ROBO1: variants seen among roughly 807,000 people sequenced by gnomAD.
ROBO1 encodes roundabout guidance receptor 1, also known as roundabout homolog 1.
ROBO1 carries 149 observed loss-of-function variants against 195.9 expected under a neutral mutation model. The observed-to-expected ratio is 0.76, with a 90% CI of 0.67 to 0.87. The LOEUF (loss-of-function observed/expected upper bound fraction) is 0.87. Ranked by LOEUF, ROBO1 falls within the 40% of genes least tolerant of loss-of-function variation. ROBO1 has a pLI of 0.00. For synonymous variants in ROBO1, 816 were observed against 733.2 expected (o/e 1.11, Z -1.82); for missense variants, 1,933 against 2,068.3 (o/e 0.93, Z 1.27).
intron 4 of ROBO1, among the ~76,000 whole-genome samples, chr3:78,845,774 AGCAGTTGCTCTGGAAAAGTGCAATAAACT>A (rs767935232): frequency 1.3e-5 from 2 of 152,206 alleles, no homozygotes; most frequent in Non-Finnish European, 2.9e-5. Flanking sequence ...CAGTAGCACA[AGCAGTTGCTCTGGAAAAGTGCAATAAACT>A]GCCTTTTCAG....
intron 2 of ROBO1, among the ~76,000 whole-genome samples, chr3:79,421,821 G>A (rs1365837400): frequency 6.6e-6 from 1 of 151,944 alleles, no homozygotes; most frequent in Non-Finnish European, 1.5e-5. Context: ...TGTTGTTGTT[G>A]CTGTTGCTGC....
intron 1 of ROBO1, among the ~76,000 whole-genome samples, chr3:79,636,934 A>G (rs1325339944): frequency 1.3e-5 from 2 of 152,240 alleles, no homozygotes; most frequent in Non-Finnish European, 1.5e-5. Context: ...GTTACCAAAC[A>G]TTATCTTCTT....
intron 4 of ROBO1, among the ~76,000 whole-genome samples, chr3:78,815,509 T>C (rs373143283): frequency 6.6e-4 from 100 of 152,206 alleles, no homozygotes; most frequent in African/African-American, 2.3e-3. Context: ...AAAGGCCCAA[T>C]TGTCTCCCAT....
chr3:78,938,680 A>T lies in ROBO1; in HGVS notation c.420T>A (p.Pro140=). The change falls in exon 4 of 31, where the codon CCT becomes CCA. Residue 140 remains proline, a synonymous_variant. Coordinates refer to ENST00000464233, the MANE Select transcript of ROBO1 (RefSeq NM_002941.4). ...CTACACAGACATAGACTCCTTCATCAGGTCTACTTTTCCGTCCATGTACTA... is the reference window on the plus strand; with the variant it reads ...CTACACAGACATAGACTCCTTCATCTGGTCTACTTTTCCGTCCATGTACTA... ...LRIVHGRKSR[P]DEGVYVCVAR... 6.2e-7 allele frequency: 1 copy of T among 1,613,992 alleles called. No homozygotes were observed. Among genetic ancestry groups the T allele is most frequent in the Non-Finnish European group, 8.5e-7 (1 of 1,179,892 alleles).
At chr3:78,752,593 A>T (rs577163203) in intron 4 of ROBO1, among the ~76,000 whole-genome samples, 1 of 152,262 alleles carries the variant, frequency 6.6e-6, no homozygotes, top group Non-Finnish European at 1.5e-5. Flanking sequence ...TGTGTGAAAA[A>T]TTTCTTAATA....
At chr3:79,630,346 T>C (rs1219353444) in intron 1 of ROBO1, among the ~76,000 whole-genome samples, 1 of 152,004 alleles carries the variant, frequency 6.6e-6, no homozygotes, top group Non-Finnish European at 1.5e-5. Flanking sequence ...CATATGCAAA[T>C]CAATAGATGT....
At chr3:78,982,659 C>T (rs1430457184) in intron 3 of ROBO1, among the ~76,000 whole-genome samples, 6 of 152,062 alleles carry the variant, frequency 3.9e-5, no homozygotes, top group Admixed American at 3.9e-4. Context: ...GATGGAGTCT[C>T]ACTCTGTTGC....
intron 1 of ROBO1, among the ~76,000 whole-genome samples, chr3:79,704,873 A>G (rs890927786): frequency 2.6e-5 from 4 of 151,970 alleles, no homozygotes; most frequent in African/African-American, 7.2e-5. Flanking sequence ...TCTGTAATTC[A>G]ACCATATGAA....
intron 2 of ROBO1, among the ~76,000 whole-genome samples, chr3:79,191,984 G>C (rs9832052): frequency 6.6e-6 from 1 of 151,552 alleles, no homozygotes; most frequent in South Asian, 2.1e-4. Context: ...GACTTCTTTA[G>C]TAAAGGAAAT....
intron 4 of ROBO1, among the ~76,000 whole-genome samples, chr3:78,797,633 G>T (rs893845993): frequency 3.9e-5 from 6 of 152,040 alleles, no homozygotes; most frequent in Admixed American, 1.3e-4. Context: ...TAAGCAGAGG[G>T]TTTTTTTCTT....
At chr3:79,310,448 T>C (rs532823486) in intron 2 of ROBO1, among the ~76,000 whole-genome samples, 1 of 152,182 alleles carries the variant, frequency 6.6e-6, no homozygotes, top group African/African-American at 2.4e-5. Context: ...AGAATGGAAG[T>C]CTATGCTGCT....
intron 1 of ROBO1, among the ~76,000 whole-genome samples, chr3:79,639,170 G>T (rs1357660569): frequency 6.6e-6 from 1 of 152,050 alleles, no homozygotes; most frequent in Non-Finnish European, 1.5e-5. Flanking sequence ...TAGATTATCT[G>T]AATATCATAG....
At chr3:79,085,274 AT>A (rs1409688020) in intron 3 of ROBO1, among the ~76,000 whole-genome samples, 1 of 152,272 alleles carries the variant, frequency 6.6e-6, no homozygotes, top group East Asian at 1.9e-4. Flanking sequence ...TACTTATTTA[AT>A]TTTAGTTATT....
chr3:79,134,212 CA>C (rs1195863454), intron 2 of ROBO1, among the ~76,000 whole-genome samples: 2 of 136,566 alleles, frequency 1.5e-5, no homozygotes, highest in Admixed American at 7.8e-5. Flanking sequence ...ACAACCCCAT[CA>C]AAAAGTGGGC....
intron 1 of ROBO1, among the ~76,000 whole-genome samples, chr3:79,592,499 A>T (rs2107828120): frequency 6.6e-6 from 1 of 152,142 alleles, no homozygotes; most frequent in African/African-American, 2.4e-5. Context: ...TAGCTATTGT[A>T]CACTTATCAT....
chr3:78,627,642 G>C, intron 25 of ROBO1, 73 bp from the exon 26 acceptor site: 1 of 1,434,646 alleles, frequency 7.0e-7, no homozygotes. Context: ...GTAATGAAAT[G>C]TCACCTTTAA....
At chr3:78,956,018 C>T (rs1026270023) in intron 3 of ROBO1, among the ~76,000 whole-genome samples, 5 of 152,014 alleles carry the variant, frequency 3.3e-5, no homozygotes, top group Non-Finnish European at 7.4e-5. Context: ...TAAGGGCACC[C>T]CAGTAAGATA....
chr3:79,712,842 T>A (rs1350396471), intron 1 of ROBO1, among the ~76,000 whole-genome samples: 2 of 152,056 alleles, frequency 1.3e-5, no homozygotes, highest in Non-Finnish European at 2.9e-5. Flanking sequence ...CCCTTAAGAA[T>A]GATGCTAAAT....
chr3:79,626,027 C>T (rs930089873), intron 1 of ROBO1, among the ~76,000 whole-genome samples: 1 of 152,036 alleles, frequency 6.6e-6, no homozygotes, highest in African/African-American at 2.4e-5. Flanking sequence ...TCAGCTTCAT[C>T]CCTGGTTCAA....
Sources: allele counts gnomAD v4.1 joint callset (sites outside exome capture counted in the v4.1 genomes callset), GRCh38; gene constraint gnomAD v4.1.1; transcripts MANE v1.5; gene names NCBI Gene and HGNC (gene_info 2026-07-23, HGNC 2026-07-21).